Variants in CECR2 observed in about 807,000 individuals in gnomAD.
CECR2 encodes CECR2 histone acetyl-lysine reader.
In CECR2, 30 loss-of-function variants were observed where a neutral mutation model predicts 154.5. The ratio of observed to expected loss-of-function variants is 0.19; its 90% CI spans 0.15 to 0.26. CECR2 has a LOEUF of 0.26. Ranked by LOEUF, CECR2 falls within the 10% of genes least tolerant of loss-of-function variation. The pLI, the probability that CECR2 is intolerant of heterozygous loss-of-function variation, is 1.00. For synonymous variants in CECR2, 725 were observed against 683.7 expected (o/e 1.06, Z -0.94); for missense variants, 1,743 against 1,829.3 (o/e 0.95, Z 0.86).
upstream of CECR2, among the ~76,000 whole-genome samples, chr22:17,366,186 GTTTTTTC>G (rs1474334935): frequency 2.0e-5 from 3 of 151,914 alleles, no homozygotes; most frequent in Non-Finnish European, 2.9e-5. Context: ...TATGAGCTGT[GTTTTTTC>G]TTTTTTCTTT....
chr22:17,449,736 G>A (rs546263917), intron 1 of CECR2, among the ~76,000 whole-genome samples: 4 of 152,186 alleles, frequency 2.6e-5, no homozygotes, highest in East Asian at 1.9e-4. Context: ...TGATCTGCCC[G>A]CCTCGGCCTC....
chr22:17,434,545 A>G (rs887085899), intron 1 of CECR2, among the ~76,000 whole-genome samples: 3 of 152,116 alleles, frequency 2.0e-5, no homozygotes, highest in Admixed American at 6.5e-5. Flanking sequence ...CTTTTTGGAC[A>G]CTAACCCTTT....
rs575286574 is a variant in CECR2, at chr22:17,476,156, C to T, written c.127-1432C>T. Among the ~76,000 whole-genome samples, 7 of 150,028 alleles carry T rather than the reference C, an allele frequency of 4.7e-5. No individual in the cohort carries two copies. The South Asian group carries it at 6.7e-4, about 14-fold the overall frequency. On this transcript the variant is annotated intron_variant, in intron 1 of 18. Transcript: ENST00000262608. ...TGCCCTGCCTCTCTCCATTGTCACT[C>T]GGTCACAATTACCATCTCACGAAAT...
At chr22:17,485,241 A>G (rs2055399796) in intron 2 of CECR2, among the ~76,000 whole-genome samples, 2 of 152,172 alleles carry the variant, frequency 1.3e-5, no homozygotes, top group Non-Finnish European at 2.9e-5. Flanking sequence ...TAAATTGCCC[A>G]AGGTTACACA....
chr22:17,537,079 A>G (rs557977302), intron 9 of CECR2, 24 bp from the exon 10 acceptor site: 2 of 1,612,860 alleles, frequency 1.2e-6, no homozygotes, highest in Non-Finnish European at 1.7e-6. Context: ...TGCTTAGCTC[A>G]CTCAGCCTTT....
chr22:17,499,982 C>T (rs770545244), intron 4 of CECR2, among the ~76,000 whole-genome samples: 24 of 152,106 alleles, frequency 1.6e-4, no homozygotes, highest in Admixed American at 3.3e-4. Context: ...GAGGCCGAGG[C>T]GGGCGGATCA....
chr22:17,432,944 G>C lies in CECR2; in HGVS notation c.127-44644G>C, dbSNP rs17206220. ...ATGTCAGTATTGATGACAGTCAGAT[G>C]CTTTATTGTTACCCATAAATATAAC... On this transcript the variant is annotated intron_variant, in intron 1 of 18. Coordinates refer to ENST00000262608, the MANE Select transcript of CECR2 (RefSeq NM_001290047.2). Among the ~76,000 whole-genome samples, 1,426 of 152,274 alleles carry C rather than the reference G, an allele frequency of 9.4e-3. 40 individuals are homozygous for C. Among genetic ancestry groups the C allele is most frequent in the Admixed American group, 0.059 (904 of 15,288 alleles).
At chr22:17,466,197 A>C (rs2055029619) in intron 1 of CECR2, among the ~76,000 whole-genome samples, 1 of 152,094 alleles carries the variant, frequency 6.6e-6, no homozygotes, top group African/African-American at 2.4e-5. Context: ...CAAAGTGGGA[A>C]TACAGACATG....
Position 17,542,188 on chromosome 22 carries a change from C to A in CECR2, c.2045C>A (p.Pro682His), listed in dbSNP as rs1376654868. 1.9e-6 allele frequency: 3 copies of A among 1,612,070 alleles called. No homozygotes were observed. Among genetic ancestry groups the A allele is most frequent in the East Asian group, 4.5e-5 (2 of 44,792 alleles). Residue 682 changes from proline (P) to histidine (H), a missense_variant, in exon 16 of 19, where the codon CCC (proline) becomes CAC (histidine). Physicochemically the swap from Pro to His is moderately conservative, Grantham distance 77. Transcript: ENST00000262608. ...GTTGGAATTAACAGCCTCCGAGGACCCAGGCTAGGCACACCAGAGGAGAAG... is the reference window on the plus strand; with the variant it reads ...GTTGGAATTAACAGCCTCCGAGGACACAGGCTAGGCACACCAGAGGAGAAG... ...PPVGINSLRG[P>H]RLGTPEEKQM...
At chr22:17,533,023 G>T (rs1601526930) in intron 9 of CECR2, among the ~76,000 whole-genome samples, 6 of 151,864 alleles carry the variant, frequency 4.0e-5, no homozygotes, top group African/African-American at 1.4e-4. Flanking sequence ...TTTATTAAAA[G>T]ATAGCATGAC....
chr22:17,443,705 C>T (rs1033954333), intron 1 of CECR2, among the ~76,000 whole-genome samples: 1 of 152,150 alleles, frequency 6.6e-6, no homozygotes, highest in African/African-American at 2.4e-5. Context: ...AGAGCGACTT[C>T]CGGGTGACTC....
At chr22:17,402,754 C>CT (rs386394918) in intron 1 of CECR2, among the ~76,000 whole-genome samples, 1,525 of 123,050 alleles carry the variant, frequency 0.012, 22 homozygotes, top group Middle Eastern at 0.05. Context: ...TTCTTTTCTT[C>CT]TTTTTTTTTT....
intron 9 of CECR2, among the ~76,000 whole-genome samples, chr22:17,534,393 A>G (rs2056405868): frequency 6.6e-6 from 1 of 152,258 alleles, no homozygotes; most frequent in Non-Finnish European, 1.5e-5. Flanking sequence ...CAGATACACT[A>G]AAGGCCAGAA....
chr22:17,454,809 G>A (rs552656212), intron 1 of CECR2, among the ~76,000 whole-genome samples: 6 of 152,292 alleles, frequency 3.9e-5, no homozygotes, highest in Admixed American at 3.9e-4. Flanking sequence ...ATTTCCAGCT[G>A]TTTGAAATGC....
chr22:17,519,802 T>G (rs1392707396), intron 8 of CECR2, among the ~76,000 whole-genome samples: 1 of 151,684 alleles, frequency 6.6e-6, no homozygotes, highest in Non-Finnish European at 1.5e-5. Context: ...GTCTTTTTTT[T>G]TTTTTTTGAG....
chr22:17,489,333 G>A (rs981446484), intron 2 of CECR2, among the ~76,000 whole-genome samples: 4 of 152,176 alleles, frequency 2.6e-5, no homozygotes, highest in Admixed American at 6.6e-5. Flanking sequence ...GCATTTCCCC[G>A]ATGACTAGTA....
rs979647626 is a variant in CECR2 at position 17,553,870 on chromosome 22, T to C, written c.*1030T>C. 6.6e-6 allele frequency: 1 copy of C among 152,216 alleles called. No homozygotes were observed. Among genetic ancestry groups the C allele is most frequent in the African/African-American group, 2.4e-5 (1 of 41,450 alleles). The allele number at this position is 152,216 out of a possible 1,614,324, so 9.4% of individuals were successfully genotyped here. A position where few individuals can be genotyped will look rare whatever the true frequency, so the allele number is the denominator to read the frequency against. ...ATCACACACAGCTTTCTGGCACGAATCACATTTTGTGGAAGTGACTACTCA... is the reference window on the plus strand; with the variant it reads ...ATCACACACAGCTTTCTGGCACGAACCACATTTTGTGGAAGTGACTACTCA... On this transcript the variant is annotated 3_prime_UTR_variant, in exon 19 of 19. Transcript: ENST00000262608.
At chr22:17,437,361 C>T (rs983859559) in intron 1 of CECR2, among the ~76,000 whole-genome samples, 1 of 152,106 alleles carries the variant, frequency 6.6e-6, no homozygotes, top group South Asian at 2.1e-4. Context: ...GTTGAAGCTC[C>T]ACAGGATCGG....
intron 1 of CECR2, among the ~76,000 whole-genome samples, chr22:17,449,227 G>T (rs1487273755): frequency 6.6e-6 from 1 of 151,916 alleles, no homozygotes. Flanking sequence ...GGCCCAGAGT[G>T]GTAAAACCTC....
Sources: gnomAD v4.1 joint callset for allele counts (sites outside exome capture counted in the v4.1 genomes callset) on GRCh38, gnomAD v4.1.1 for gene constraint, MANE v1.5 for transcripts, NCBI Gene and HGNC (gene_info 2026-07-23, HGNC 2026-07-21) for gene names.